Variants in GUCY1A2 observed in about 807,000 individuals in gnomAD.
GUCY1A2 encodes the protein guanylate cyclase 1 soluble subunit alpha 2.
A neutral mutation model predicts 63.5 loss-of-function variants in GUCY1A2; 27 were observed. The ratio of observed to expected loss-of-function variants is 0.43; its 90% CI spans 0.31 to 0.59. GUCY1A2 has a LOEUF of 0.59. GUCY1A2 is among the 20% of genes least tolerant of loss of function. The probability of loss-of-function intolerance (pLI) is 0.11; values close to 1 mark genes in which losing one functional copy is unlikely to be tolerated. For synonymous variants in GUCY1A2, 364 were observed against 343.5 expected (o/e 1.06, Z -0.66); for missense variants, 768 against 913.3 (o/e 0.84, Z 2.05).
At position 107,015,017 on chromosome 11, in the gene GUCY1A2, G is replaced by C. The variant is rs146505503; in HGVS notation, c.303+2736C>G. Among the ~76,000 whole-genome samples the C allele has an allele frequency of 3.7e-4, 57 of 152,288 alleles. 1 individual carries two copies. Among genetic ancestry groups the C allele is most frequent in the African/African-American group, 1.3e-3 (53 of 41,572 alleles). Reference sequence around the variant, plus strand: ...ACAATGTCAAAAAATGAATCTACTGGAACTTTTTGAGCTAGTGTTCTAACT... The same window carrying C: ...ACAATGTCAAAAAATGAATCTACTGCAACTTTTTGAGCTAGTGTTCTAACT... On this transcript the variant is annotated intron_variant, in intron 1 of 7. Coordinates refer to ENST00000526355, the MANE Select transcript of GUCY1A2 (RefSeq NM_000855.3).
chr11:106,787,149 A>G (rs540253503), intron 5 of GUCY1A2, among the ~76,000 whole-genome samples: 13 of 151,814 alleles, frequency 8.6e-5, no homozygotes, highest in Non-Finnish European at 1.8e-4. Context: ...GGTACACAGT[A>G]TATATTATAT....
intron 4 of GUCY1A2, among the ~76,000 whole-genome samples, chr11:106,920,257 G>A (rs950077405): frequency 2.0e-5 from 3 of 152,114 alleles, no homozygotes; most frequent in East Asian, 3.9e-4. Context: ...TGAAGAAAGT[G>A]GATGCAGGGA....
intron 6 of GUCY1A2, among the ~76,000 whole-genome samples, chr11:106,775,395 A>G (rs1591271302): frequency 6.6e-6 from 1 of 151,926 alleles, no homozygotes; most frequent in South Asian, 2.1e-4. Flanking sequence ...TGAAGTTGGC[A>G]TCCTCCAGGG....
At position 106,720,985 on chromosome 11, in the gene GUCY1A2, G is replaced by A. The variant is rs554519560; in HGVS notation, c.1837-12319C>T. On this transcript the variant is annotated intron_variant, in intron 6 of 7. Coordinates refer to ENST00000526355, the MANE Select transcript of GUCY1A2 (RefSeq NM_000855.3). ...ATCTTTGCAAATTATTCTGAAAAAC[G>A]AAAAACATTCTAAAATCAAAAATTT... Among the ~76,000 whole-genome samples, 280 of 151,828 alleles carry A rather than the reference G, an allele frequency of 1.8e-3. 5 individuals carry two copies. In the South Asian group the frequency reaches 0.05, roughly 27 times the overall value.
At chr11:106,813,147 A>G (rs958673649) in intron 4 of GUCY1A2, among the ~76,000 whole-genome samples, 3 of 151,982 alleles carry the variant, frequency 2.0e-5, no homozygotes, top group African/African-American at 7.2e-5. Flanking sequence ...ACATCTATCT[A>G]AGGTTTTATT....
intron 1 of GUCY1A2, among the ~76,000 whole-genome samples, chr11:107,014,237 C>T (rs1201191460): frequency 6.6e-6 from 1 of 151,800 alleles, no homozygotes; most frequent in Admixed American, 6.6e-5. Context: ...TACAGGTGCA[C>T]GCCACCATGC....
chr11:106,685,740 G>A lies in GUCY1A2; in HGVS notation c.*1809C>T, dbSNP rs888035321. 1.8e-5 allele frequency: 4 copies of A among 227,276 alleles called. No homozygotes were observed. In the South Asian group the frequency reaches 7.3e-4, roughly 42 times the overall value. The allele number at this position is 227,276 out of a possible 1,614,324, so 14.1% of individuals were successfully genotyped here. A position where few individuals can be genotyped will look rare whatever the true frequency, so the allele number is the denominator to read the frequency against. On this transcript the variant is annotated 3_prime_UTR_variant, in exon 8 of 8. Coordinates refer to ENST00000526355, the MANE Select transcript of GUCY1A2 (RefSeq NM_000855.3). ...CATTGTCCAGAAACACAGGCCCACA[G>A]AAGAGGGGGTCAGGCAAAGGTTTAG...
At chr11:106,691,592 G>A (rs941286601) in intron 7 of GUCY1A2, among the ~76,000 whole-genome samples, 2 of 152,150 alleles carry the variant, frequency 1.3e-5, no homozygotes, top group Non-Finnish European at 2.9e-5. Flanking sequence ...GAAAGAAGAT[G>A]GTACCAGCTG....
intron 2 of GUCY1A2, among the ~76,000 whole-genome samples, chr11:106,983,962 G>A (rs767201584): frequency 7.9e-5 from 12 of 152,122 alleles, no homozygotes; most frequent in East Asian, 1.9e-4. Context: ...TTTTTAGTTC[G>A]AGGGTGAGTG....
At chr11:106,819,945 T>C (rs1357442603) in intron 4 of GUCY1A2, among the ~76,000 whole-genome samples, 2 of 152,164 alleles carry the variant, frequency 1.3e-5, no homozygotes, top group East Asian at 1.9e-4. Flanking sequence ...TTCAAACTCA[T>C]AGACATAGAG....
chr11:106,843,448 C>T (rs1859228091), intron 4 of GUCY1A2, among the ~76,000 whole-genome samples: 1 of 151,656 alleles, frequency 6.6e-6, no homozygotes, highest in Admixed American at 6.6e-5. Flanking sequence ...TAGAGGGCTA[C>T]TGAAAGGCAC....
At chr11:106,764,970 T>TG (rs34675895) in intron 6 of GUCY1A2, among the ~76,000 whole-genome samples, 6,788 of 91,710 alleles carry the variant, frequency 0.074, 488 homozygotes, top group African/African-American at 0.22. Flanking sequence ...CAGATTTTTT[T>TG]GGGGGGGGGT....
At chr11:106,986,856 G>C (rs1203107108) in intron 1 of GUCY1A2, among the ~76,000 whole-genome samples, 1 of 152,126 alleles carries the variant, frequency 6.6e-6, no homozygotes, top group Non-Finnish European at 1.5e-5. Flanking sequence ...TATGGAGTCT[G>C]CAACAAATAT....
At chr11:106,919,189 C>T (rs1860408026) in intron 4 of GUCY1A2, among the ~76,000 whole-genome samples, 1 of 152,044 alleles carries the variant, frequency 6.6e-6, no homozygotes, top group South Asian at 2.1e-4. Flanking sequence ...TTGTCCAATG[C>T]TCATGTTCAA....
chr11:106,911,768 A>G (rs1860297942), intron 4 of GUCY1A2, among the ~76,000 whole-genome samples: 1 of 152,050 alleles, frequency 6.6e-6, no homozygotes, highest in African/African-American at 2.4e-5. Flanking sequence ...TTTAAAGCAA[A>G]CTATTGAAAA....
At chr11:106,799,113 C>T (rs563235956) in intron 5 of GUCY1A2, among the ~76,000 whole-genome samples, 1 of 151,948 alleles carries the variant, frequency 6.6e-6, no homozygotes, top group Non-Finnish European at 1.5e-5. Context: ...TTCTTATACA[C>T]CAATAACAGA....
At chr11:106,783,638 C>A (rs1864505805) in intron 5 of GUCY1A2, among the ~76,000 whole-genome samples, 1 of 152,118 alleles carries the variant, frequency 6.6e-6, no homozygotes, top group Admixed American at 6.5e-5. Flanking sequence ...TGCCATGTGA[C>A]TGGAATGAAA....
intron 5 of GUCY1A2, among the ~76,000 whole-genome samples, chr11:106,797,053 C>T (rs1009868841): frequency 6.6e-6 from 1 of 152,124 alleles, no homozygotes; most frequent in African/African-American, 2.4e-5. Flanking sequence ...ACCCTTTCTT[C>T]CAGTTGATCA....
intron 6 of GUCY1A2, among the ~76,000 whole-genome samples, chr11:106,729,609 C>T (rs549382967): frequency 1.1e-3 from 166 of 152,188 alleles, no homozygotes; most frequent in Non-Finnish European, 1.9e-3. Flanking sequence ...TGCAATGACA[C>T]AAGCCAGCTT....
Sources: allele counts gnomAD v4.1 joint callset (sites outside exome capture counted in the v4.1 genomes callset), GRCh38; gene constraint gnomAD v4.1.1; transcripts MANE v1.5; gene names NCBI Gene and HGNC (gene_info 2026-07-23, HGNC 2026-07-21).